The following PCMTD1 variants were observed in gnomAD, a reference collection of about 807,000 sequenced individuals.
The protein encoded by PCMTD1 is protein-L-isoaspartate (D-aspartate) O-methyltransferase domain containing 1.
In PCMTD1, 12 loss-of-function variants were observed where a neutral mutation model predicts 37.6. That is an observed-to-expected ratio of 0.32 (90% CI 0.20 to 0.52). The LOEUF (loss-of-function observed/expected upper bound fraction) is 0.52, where lower values mean the gene tolerates loss of function less well. PCMTD1 is among the 20% of genes least tolerant of loss of function. PCMTD1 has a pLI of 0.97. For missense variants in PCMTD1, 235 were observed against 421.3 expected (o/e 0.56, Z 3.87); for synonymous variants, 117 against 135.8 (o/e 0.86, Z 0.96).
chr8:51,859,559 A>G (rs1585824327), intron 2 of PCMTD1, among the ~76,000 whole-genome samples: 1 of 152,182 alleles, frequency 6.6e-6, no homozygotes, highest in South Asian at 2.1e-4. Context: ...GGGAGGTCCC[A>G]TGACTAATAG....
chr8:51,844,025 C>T (rs749285373), intron 3 of PCMTD1, among the ~76,000 whole-genome samples: 2 of 152,070 alleles, frequency 1.3e-5, no homozygotes, highest in Non-Finnish European at 2.9e-5. Context: ...AAAACAAATA[C>T]TTAATAGCAA....
At chr8:51,836,999 C>G (rs1040937189) in intron 3 of PCMTD1, among the ~76,000 whole-genome samples, 1 of 152,164 alleles carries the variant, frequency 6.6e-6, no homozygotes, top group Non-Finnish European at 1.5e-5. Context: ...AAAAACAAAA[C>G]AAACTCTTAC....
intron 1 of PCMTD1, among the ~76,000 whole-genome samples, chr8:51,877,549 G>A (rs1161641391): frequency 6.6e-6 from 1 of 152,210 alleles, no homozygotes; most frequent in African/African-American, 2.4e-5. Flanking sequence ...ATTTCAGAAT[G>A]TTAGTACAGG....
At chr8:51,878,806 G>A (rs546359129) in intron 1 of PCMTD1, among the ~76,000 whole-genome samples, 1 of 151,470 alleles carries the variant, frequency 6.6e-6, no homozygotes, top group African/African-American at 2.4e-5. Context: ...GCTATTTTGT[G>A]CAGACAGGAA....
intron 1 of PCMTD1, among the ~76,000 whole-genome samples, chr8:51,869,337 A>G (rs12681673): frequency 0.69 from 104,449 of 152,036 alleles, 42,355 homozygotes; most frequent in Non-Finnish European, 0.9. Flanking sequence ...AAGTCAAGAG[A>G]CCAAGGTGTA....
At chr8:51,851,514 A>C (rs2038307264) in intron 2 of PCMTD1, among the ~76,000 whole-genome samples, 1 of 152,214 alleles carries the variant, frequency 6.6e-6, no homozygotes, top group Non-Finnish European at 1.5e-5. Flanking sequence ...ACAACCTATG[A>C]CTATACCTCA....
At chr8:51,844,424 C>T (rs1035491713) in intron 3 of PCMTD1, among the ~76,000 whole-genome samples, 28 of 152,138 alleles carry the variant, frequency 1.8e-4, no homozygotes, top group African/African-American at 6.5e-4. Context: ...TTCCCAACTG[C>T]CCCATGCCTG....
At chr8:51,867,167 T>A (rs2038566541) in intron 1 of PCMTD1, among the ~76,000 whole-genome samples, 1 of 151,980 alleles carries the variant, frequency 6.6e-6, no homozygotes, top group Admixed American at 6.6e-5. Context: ...TCAGAATGGC[T>A]ATCATCAAAA....
chr8:51,847,035 T>C (rs1422618569), intron 2 of PCMTD1, among the ~76,000 whole-genome samples: 1 of 152,236 alleles, frequency 6.6e-6, no homozygotes, highest in Non-Finnish European at 1.5e-5. Context: ...ATTGTCCTGG[T>C]TAAAGCAATG....
Position 51,833,516 on chromosome 8 carries a change from A to G in PCMTD1, c.582+2T>C. 1 of 1,602,772 alleles carries G rather than the reference A, an allele frequency of 6.2e-7. No individual in the cohort carries two copies. Among genetic ancestry groups the G allele is most frequent in the Non-Finnish European group, 8.5e-7 (1 of 1,174,980 alleles). ...ACTAAAGAAAAGGAGAGTGGAAGTT[A>G]CCTGATCCTCTATAGGCATGACTAA... On this transcript the variant is annotated splice_donor_variant, in intron 4 of 5. Transcript: ENST00000522514. LOFTEE classifies it high-confidence loss of function.
At chr8:51,834,311 C>T (rs2038036968) in intron 3 of PCMTD1, among the ~76,000 whole-genome samples, 1 of 152,110 alleles carries the variant, frequency 6.6e-6, no homozygotes, top group African/African-American at 2.4e-5. Context: ...GCTGCTTTGG[C>T]CCCGATGATC....
intron 1 of PCMTD1, among the ~76,000 whole-genome samples, chr8:51,884,025 G>C (rs1191046977): frequency 6.6e-6 from 1 of 152,180 alleles, no homozygotes; most frequent in Non-Finnish European, 1.5e-5. Flanking sequence ...CATACTGAAA[G>C]AATTTGTGGC....
chr8:51,887,184 C>T (rs1170191323), intron 1 of PCMTD1, among the ~76,000 whole-genome samples: 1 of 152,120 alleles, frequency 6.6e-6, no homozygotes, highest in Admixed American at 6.5e-5. Context: ...AACCTTAATT[C>T]CCCTTTGCCA....
At chr8:51,860,585 C>T (rs967474443) in intron 2 of PCMTD1, 2 of 320,592 alleles carry the variant, frequency 6.2e-6, no homozygotes, top group Admixed American at 8.8e-5. Context: ...GAGTTTCCTG[C>T]CCACCAGCGC....
intron 2 of PCMTD1, among the ~76,000 whole-genome samples, chr8:51,848,682 C>T (rs1028696333): frequency 2.6e-5 from 4 of 151,988 alleles, no homozygotes; most frequent in African/African-American, 9.7e-5. Flanking sequence ...TTCATACTAC[C>T]TTGACACAAG....
At chr8:51,862,513 G>C (rs1252076895) in intron 1 of PCMTD1, among the ~76,000 whole-genome samples, 2 of 152,148 alleles carry the variant, frequency 1.3e-5, no homozygotes, top group African/African-American at 4.8e-5. Context: ...ACTATAGCTA[G>C]TAAGTTAATG....
intron 1 of PCMTD1, among the ~76,000 whole-genome samples, chr8:51,880,266 C>G (rs1030896991): frequency 5.3e-5 from 8 of 151,896 alleles, no homozygotes; most frequent in Admixed American, 4.6e-4. Context: ...AGAAGAATTA[C>G]TAAACCACCA....
At chr8:51,877,293 A>T (rs13257291) in intron 1 of PCMTD1, among the ~76,000 whole-genome samples, 1 of 152,058 alleles carries the variant, frequency 6.6e-6, no homozygotes, top group Non-Finnish European at 1.5e-5. Flanking sequence ...CTTACATTTT[A>T]TATCTGTCCT....
At chr8:51,828,099 GA>G (rs2037947501) in intron 5 of PCMTD1, among the ~76,000 whole-genome samples, 1 of 152,156 alleles carries the variant, frequency 6.6e-6, no homozygotes, top group Admixed American at 6.5e-5. Context: ...ATAGAATTCT[GA>G]GATTTTAACA....
Sources: allele counts gnomAD v4.1 joint callset (sites outside exome capture counted in the v4.1 genomes callset), GRCh38; gene constraint gnomAD v4.1.1; transcripts MANE v1.5; gene names NCBI Gene and HGNC (gene_info 2026-07-23, HGNC 2026-07-21).